Variants in SRPK2 observed in about 807,000 individuals in gnomAD.
The protein encoded by SRPK2 is SFRS protein kinase 2.
In SRPK2, 21 loss-of-function variants were observed where a neutral mutation model predicts 90.8. That is an observed-to-expected ratio of 0.23 (90% confidence interval 0.16 to 0.33). The LOEUF is 0.33. Ranked by LOEUF, SRPK2 falls within the 10% of genes least tolerant of loss-of-function variation. SRPK2 has a pLI of 1.00. For missense variants in SRPK2, 620 were observed against 869.0 expected, an observed-to-expected ratio of 0.71 and a Z score of 3.60; for synonymous variants, 288 against 311.1, an observed-to-expected ratio of 0.93 and a Z score of 0.78.
chr7:105,228,551 TG>T (rs1239665563), intron 2 of SRPK2, among the ~76,000 whole-genome samples: 1 of 152,206 alleles, frequency 6.6e-6, no homozygotes, highest in East Asian at 1.9e-4. Flanking sequence ...ACGGGCGCAG[TG>T]GCTCACGCCT....
intron 2 of SRPK2, among the ~76,000 whole-genome samples, chr7:105,219,702 T>A (rs1366616186): frequency 6.6e-6 from 1 of 152,236 alleles, no homozygotes; most frequent in Non-Finnish European, 1.5e-5. Flanking sequence ...TGCCTAATGC[T>A]TGGTAAACTA....
chr7:105,145,408 AT>A, intron 8 of SRPK2, 100 bp from the exon 9 acceptor site: 1 of 793,496 alleles, frequency 1.3e-6, no homozygotes, highest in Non-Finnish European at 2.0e-6. Context: ...TTGTCTTTTA[AT>A]GGCTATCCAA....
At chr7:105,224,152 C>G (rs912951867) in intron 2 of SRPK2, among the ~76,000 whole-genome samples, 1 of 151,908 alleles carries the variant, frequency 6.6e-6, no homozygotes. Flanking sequence ...ATTAAGCAGC[C>G]CCATTCTATA....
At chr7:105,345,159 G>A (rs936040127) in intron 2 of SRPK2, among the ~76,000 whole-genome samples, 1 of 149,436 alleles carries the variant, frequency 6.7e-6, no homozygotes, top group Non-Finnish European at 1.5e-5. Flanking sequence ...AGGGGAGAGG[G>A]CAGGGGAAGG....
At chr7:105,221,343 T>C (rs1051203115) in intron 2 of SRPK2, among the ~76,000 whole-genome samples, 4 of 152,212 alleles carry the variant, frequency 2.6e-5, no homozygotes, top group African/African-American at 7.2e-5. Flanking sequence ...TCCAGCTCCA[T>C]CAGTTATAAA....
At chr7:105,320,268 T>G (rs1286168016) in intron 2 of SRPK2, among the ~76,000 whole-genome samples, 2 of 152,196 alleles carry the variant, frequency 1.3e-5, no homozygotes, top group Non-Finnish European at 2.9e-5. Context: ...CCTTGGAAGA[T>G]TCATATTTTG....
At chr7:105,173,091 TA>T (rs1293025849) in intron 3 of SRPK2, among the ~76,000 whole-genome samples, 2 of 151,814 alleles carry the variant, frequency 1.3e-5, no homozygotes, top group Non-Finnish European at 2.9e-5. Context: ...ATTATCTCTA[TA>T]AAAAGGCAAA....
chr7:105,396,802 GAAAGA>G (rs1822341013), intron 1 of SRPK2, among the ~76,000 whole-genome samples: 1 of 55,142 alleles, frequency 1.8e-5, no homozygotes. Context: ...AAGAGAAAGA[GAAAGA>G]AAGAAAGAGA....
At chr7:105,230,695 A>G (rs1257203396) in intron 2 of SRPK2, among the ~76,000 whole-genome samples, 1 of 152,222 alleles carries the variant, frequency 6.6e-6, no homozygotes, top group Non-Finnish European at 1.5e-5. Context: ...ATGTTGACAA[A>G]CGTCAACTGT....
chr7:105,289,228 G>A (rs1327807073), intron 2 of SRPK2, among the ~76,000 whole-genome samples: 1 of 151,166 alleles, frequency 6.6e-6, no homozygotes, highest in African/African-American at 2.4e-5. Flanking sequence ...GAGCCGAGAT[G>A]GCGCCACTGC....
chr7:105,348,139 C>T (rs1321208554), intron 2 of SRPK2, among the ~76,000 whole-genome samples: 6 of 129,180 alleles, frequency 4.6e-5, no homozygotes, highest in Admixed American at 1.8e-4. Context: ...TGCAATGGCG[C>T]GATCTCACTG....
intron 2 of SRPK2, among the ~76,000 whole-genome samples, chr7:105,363,346 C>T (rs910125303): frequency 6.6e-6 from 1 of 152,070 alleles, no homozygotes. Flanking sequence ...AATCAAACAA[C>T]CCCATCAAAA....
At chr7:105,183,126 A>T (rs1002931265) in intron 3 of SRPK2, among the ~76,000 whole-genome samples, 1 of 152,214 alleles carries the variant, frequency 6.6e-6, no homozygotes, top group African/African-American at 2.4e-5. Context: ...GACAAAGAAA[A>T]TTATTTAAAT....
chr7:105,355,469 A>C (rs754183614), intron 2 of SRPK2, among the ~76,000 whole-genome samples: 2 of 152,080 alleles, frequency 1.3e-5, no homozygotes, highest in African/African-American at 2.4e-5. Flanking sequence ...ACATTACAAG[A>C]CCACATCTCA....
At chr7:105,245,842 CAG>C (rs1408747586) in intron 2 of SRPK2, among the ~76,000 whole-genome samples, 1 of 152,136 alleles carries the variant, frequency 6.6e-6, no homozygotes, top group African/African-American at 2.4e-5. Context: ...CCTCAGCTGC[CAG>C]AGTAGCCACA....
In SRPK2 at chr7:105,388,777, C is replaced by G. The variant is rs1274584154; in HGVS notation, c.16+14G>C. ...GCCGCGTGGCGGGGAGAGGGCGCGC[C>G]GCGGGCCACTCACCTTTCCGGGAGC... On this transcript the variant is annotated intron_variant, in intron 1 of 15. Coordinates refer to ENST00000393651, the MANE Select transcript of SRPK2 (RefSeq NM_182692.3). The G allele has an allele frequency of 6.6e-7, 1 of 1,512,138 alleles. No individual in the cohort carries two copies. Among genetic ancestry groups the G allele is most frequent in the Non-Finnish European group, 8.9e-7 (1 of 1,129,198 alleles). 93.7% of individuals were successfully genotyped at this position (1,512,138 alleles called of 1,614,324 possible). A position where few individuals can be genotyped will look rare whatever the true frequency, so the allele number is the denominator to read the frequency against.
intron 3 of SRPK2, among the ~76,000 whole-genome samples, chr7:105,176,816 G>C (rs527380213): frequency 3.3e-5 from 5 of 151,316 alleles, no homozygotes; most frequent in Non-Finnish European, 5.9e-5. Context: ...TGTATTTTTA[G>C]TAGAGACAGG....
chr7:105,148,095 A>T (rs1045435210), intron 7 of SRPK2, among the ~76,000 whole-genome samples: 1 of 152,202 alleles, frequency 6.6e-6, no homozygotes, highest in Admixed American at 6.5e-5. Flanking sequence ...TGTCTTCCAC[A>T]GTGGCTGCAC....
intron 2 of SRPK2, among the ~76,000 whole-genome samples, chr7:105,338,853 C>CA (rs1815421336): frequency 6.6e-6 from 1 of 151,944 alleles, no homozygotes; most frequent in East Asian, 1.9e-4. Flanking sequence ...TTGGATTTTT[C>CA]AAAAAGATAA....
Sources: allele counts gnomAD v4.1 joint callset (sites outside exome capture counted in the v4.1 genomes callset), GRCh38; gene constraint gnomAD v4.1.1; transcripts MANE v1.5; gene names NCBI Gene and HGNC (gene_info 2026-07-23, HGNC 2026-07-21).